Variants in MYT1 observed in about 807,000 individuals in gnomAD.
The protein encoded by MYT1 is myelin transcription factor I.
Under a neutral mutation model 123.0 loss-of-function variants are expected in MYT1, and 23 were observed. The ratio of observed to expected loss-of-function variants is 0.19; its 90% CI spans 0.13 to 0.26. The LOEUF is 0.26. Ranked by LOEUF, MYT1 falls within the 10% of genes least tolerant of loss-of-function variation. The pLI is 1.00. For synonymous variants in MYT1, 518 were observed against 575.3 expected, an observed-to-expected ratio of 0.90 and a Z score of 1.43; for missense variants, 1,125 against 1,472.5, an observed-to-expected ratio of 0.76 and a Z score of 3.86.
At position 64,190,833 on chromosome 20, in the gene MYT1, G is replaced by A. The variant is rs896803507; in HGVS notation, c.-1+673G>A. Among the ~76,000 whole-genome samples, 5 of 152,184 alleles carry A rather than the reference G, an allele frequency of 3.3e-5. No homozygotes were observed. Among genetic ancestry groups the A allele is most frequent in the Admixed American group, 1.3e-4 (2 of 15,292 alleles). On this transcript the variant is annotated intron_variant, in intron 2 of 22. Coordinates refer to ENST00000328439, the MANE Select transcript of MYT1 (RefSeq NM_004535.3). The surrounding 1 kb of genome is among the most constrained non-coding windows in gnomAD (Gnocchi z 4.1). Reference sequence around the variant, plus strand: ...AAAACACAAAAATTAGCCGGGCATGGTGGCATGCGCCTGTAATCCCAGCTA... The same window carrying A: ...AAAACACAAAAATTAGCCGGGCATGATGGCATGCGCCTGTAATCCCAGCTA...
rs866702981 is a variant in MYT1 at position 64,236,171 on chromosome 20, T to C, written c.2898-384T>C. ...GCGGTGGGTGACCCTGGGCTGGCCG[T>C]GGTGGGTGACCCTGGGATGGCCGTG... On this transcript the variant is annotated intron_variant, in intron 19 of 22. Transcript: ENST00000328439. 5.5e-4 allele frequency among the ~76,000 whole-genome samples: 53 copies of C among 96,314 alleles called. 6 individuals are homozygous for C. The highest frequency in any genetic ancestry group is 6.3e-3 in the Middle Eastern group (1 of 158). 63.2% of individuals were successfully genotyped at this position (96,314 alleles called of 152,430 possible). A position where few individuals can be genotyped will look rare whatever the true frequency, so the allele number is the denominator to read the frequency against.
At position 64,198,847 on chromosome 20, in the gene MYT1, G is replaced by T. The variant is rs1304468235; in HGVS notation, c.1-15G>T. On this transcript the variant is annotated splice_polypyrimidine_tract_variant and intron_variant, in intron 2 of 22. Coordinates refer to ENST00000328439, the MANE Select transcript of MYT1 (RefSeq NM_004535.3). ...GCTGGGTTTTCTTGTTAACGTCGTGGTTTTTTGCTTGCAGATGAGCTTAGA... is the reference window on the plus strand; with the variant it reads ...GCTGGGTTTTCTTGTTAACGTCGTGTTTTTTTGCTTGCAGATGAGCTTAGA... 23 of 1,614,118 alleles carry T rather than the reference G, an allele frequency of 1.4e-5. No homozygotes were observed. Among genetic ancestry groups the T allele is most frequent in the Admixed American group, 1.7e-5 (1 of 60,022 alleles).
chr20:64,212,609 C>T lies in MYT1; in HGVS notation c.1517+471C>T, dbSNP rs1983714334. Among the ~76,000 whole-genome samples the T allele has an allele frequency of 6.6e-6, 1 of 152,148 alleles. No homozygotes were observed. On this transcript the variant is annotated intron_variant, in intron 9 of 22. Transcript: ENST00000328439. The surrounding 1 kb of genome is among the most constrained non-coding windows in gnomAD (Gnocchi z 6.8). ...TGAGAGCCAGGTGAATACTTTGTGT[C>T]CTACCCACATTCAGAAAACCTCTGC...
At position 64,185,558 on chromosome 20, in the gene MYT1, A is replaced by G. The variant is rs1387139648; in HGVS notation, c.-98-4505A>G. 6.6e-6 allele frequency among the ~76,000 whole-genome samples: 1 copy of G among 152,198 alleles called. No individual in the cohort carries two copies. The highest frequency in any genetic ancestry group is 1.5e-5 in the Non-Finnish European group (1 of 68,030). The stretch of plus-strand genomic sequence containing the variant: ...CTTGTTTTCAGAGTGGGGAGGTTTT[A>G]CACAGTGGAAGGGGGTCAGGTTGCC... On this transcript the variant is annotated intron_variant, in intron 1 of 22. Coordinates refer to ENST00000328439, the MANE Select transcript of MYT1 (RefSeq NM_004535.3). The surrounding 1 kb of genome is among the most constrained non-coding windows in gnomAD (Gnocchi z 4.5).
At chr20:64,195,401 C>CTT (rs397753483) in intron 2 of MYT1, among the ~76,000 whole-genome samples, 5 of 104,016 alleles carry the variant, frequency 4.8e-5, no homozygotes, top group East Asian at 2.8e-4. Flanking sequence ...TGTGTGTATA[C>CTT]TTTTTTTTTT....
chr20:64,229,547 G>C (rs563462967), intron 18 of MYT1, among the ~76,000 whole-genome samples: 2 of 152,192 alleles, frequency 1.3e-5, no homozygotes, highest in Non-Finnish European at 2.9e-5. Context: ...ATGGCAGAGG[G>C]AACCTGACTA....
Position 64,218,766 on chromosome 20 carries a change from A to G in MYT1, c.1847-145A>G. On this transcript the variant is annotated intron_variant, in intron 11 of 22. Coordinates refer to ENST00000328439, the MANE Select transcript of MYT1 (RefSeq NM_004535.3). This position sits in a 1 kb window ranked among gnomAD's most constrained non-coding sequence, Gnocchi z 4.0. ...CTCCCAAAGTGCCCCCTCCCCACTG[A>G]CTTGTCTGCATTGCTGCCTCTTTTC... 1 of 951,906 alleles carries G rather than the reference A, an allele frequency of 1.1e-6. No individual in the cohort carries two copies. Among genetic ancestry groups the G allele is most frequent in the Non-Finnish European group, 1.6e-6 (1 of 619,032 alleles). The allele number at this position is 951,906 out of a possible 1,614,324, so 59.0% of individuals were successfully genotyped here.
intron 1 of MYT1, among the ~76,000 whole-genome samples, chr20:64,177,683 C>CAGGGGTGG (rs1352886839): frequency 2.0e-5 from 3 of 151,850 alleles, no homozygotes; most frequent in African/African-American, 7.3e-5. Context: ...TACCCCTCTC[C>CAGGGGTGG]GGAGCTAGTG....
intron 1 of MYT1, among the ~76,000 whole-genome samples, chr20:64,180,882 A>G (rs2145696489): frequency 6.6e-6 from 1 of 152,290 alleles, no homozygotes; most frequent in African/African-American, 2.4e-5. Flanking sequence ...CCCCTGCCAC[A>G]TGCACCTCCC....
At chr20:64,205,836 G>T in intron 6 of MYT1, 36 bp downstream of exon 6, 1 of 1,605,588 alleles carries the variant, frequency 6.2e-7, no homozygotes, top group Non-Finnish European at 8.5e-7. Flanking sequence ...AATAAAGGGC[G>T]CTTAGTGTGG....
chr20:64,205,595 C>T lies in MYT1; in HGVS notation c.192C>T (p.Gly64=), dbSNP rs148041017. 2.3e-4 allele frequency: 378 copies of T among 1,614,104 alleles called. 1 individual carries two copies. The African/African-American group carries it at 4.2e-3, about 18-fold the overall frequency. Residue 64 remains glycine (G), a synonymous_variant, in exon 6 of 23, where the codon GGC becomes GGT. Coordinates refer to ENST00000328439, the MANE Select transcript of MYT1 (RefSeq NM_004535.3). ...CPLAKKRKLE[G]AEAEHLVSKR... ...TGGCCAAGAAGAGGAAGCTGGAGGG[C>T]GCTGAGGCTGAGCACCTGGTGTCCA...
Position 64,188,236 on chromosome 20 carries a change from AAGC to A in MYT1, c.-98-1824_-98-1822del, listed in dbSNP as rs1485615131. ...TTCATGTCCACATGACTTCTCTGAG[AAGC>A]AGGAGAGACTCAGCGCAGAACTCAG... On this transcript the variant is annotated intron_variant, in intron 1 of 22. Transcript: ENST00000328439. Among the ~76,000 whole-genome samples the A allele has an allele frequency of 2.0e-5, 3 of 152,270 alleles. No individual in the cohort carries two copies. The East Asian group carries it at 5.8e-4, about 29-fold the overall frequency.
Position 64,227,905 on chromosome 20 carries a change from G to T in MYT1, c.2609G>T (p.Arg870Leu), listed in dbSNP as rs927831909. 6.2e-7 allele frequency: 1 copy of T among 1,613,296 alleles called. No individual in the cohort carries two copies. The highest frequency in any genetic ancestry group is 8.5e-7 in the Non-Finnish European group (1 of 1,179,746). Residue 870 changes from arginine to leucine, a missense_variant, in exon 18 of 23, where the codon CGT (arginine) becomes CTT (leucine). Arg to Leu is a moderately radical substitution (Grantham distance 102). Coordinates refer to ENST00000328439, the MANE Select transcript of MYT1 (RefSeq NM_004535.3). The part of the protein sequence containing the change: ...ASHRSLSGCP[R>L]AKKSGVKVAP... Reference sequence around the variant, plus strand: ...GAAATCAGCTTGTCCGGCTGCCCTCGTGCAAAGAAAAGTGGAGTCAAGGTG... The same window carrying T: ...GAAATCAGCTTGTCCGGCTGCCCTCTTGCAAAGAAAAGTGGAGTCAAGGTG...
intron 16 of MYT1, among the ~76,000 whole-genome samples, chr20:64,224,768 C>T (rs351880): frequency 0.19 from 29,474 of 151,982 alleles, 2,998 homozygotes; most frequent in Middle Eastern, 0.33. Flanking sequence ...CTTTCTTTTC[C>T]GTGATTAGTC....
rs1334336810 is a variant in MYT1 at position 64,193,038 on chromosome 20, G to A, written c.-1+2878G>A. On this transcript the variant is annotated intron_variant, in intron 2 of 22. Transcript: ENST00000328439. The surrounding 1 kb of genome is among the most constrained non-coding windows in gnomAD (Gnocchi z 4.0). ...CAAGAGAACCCCTTCTCAGACATGTGTTAAATAATGCCCCATGGAGGTGTC... is the reference window on the plus strand; with the variant it reads ...CAAGAGAACCCCTTCTCAGACATGTATTAAATAATGCCCCATGGAGGTGTC... 6.6e-6 allele frequency among the ~76,000 whole-genome samples: 1 copy of A among 152,232 alleles called. No individual in the cohort carries two copies. Among genetic ancestry groups the A allele is most frequent in the African/African-American group, 2.4e-5 (1 of 41,460 alleles).
In MYT1 at chr20:64,232,156, G is replaced by C. The variant is rs940119864; in HGVS notation, c.2676-8G>C. 3.7e-6 allele frequency: 6 copies of C among 1,612,620 alleles called. No individual in the cohort carries two copies. Among genetic ancestry groups the C allele is most frequent in the Non-Finnish European group, 4.2e-6 (5 of 1,179,872 alleles). On this transcript the variant is annotated splice_polypyrimidine_tract_variant and splice_region_variant and intron_variant, in intron 18 of 22. Coordinates refer to ENST00000328439, the MANE Select transcript of MYT1 (RefSeq NM_004535.3). The surrounding 1 kb of genome is among the most constrained non-coding windows in gnomAD (Gnocchi z 6.9). ...CCCCTGTACTCACCCCGGCCTCTCT[G>C]TACCCAGGTGCCCAGTTCCAGGCTG...
intron 2 of MYT1, among the ~76,000 whole-genome samples, chr20:64,194,233 G>T (rs1382733655): frequency 6.6e-6 from 1 of 152,208 alleles, no homozygotes; most frequent in East Asian, 1.9e-4. Context: ...CAGGCACAAG[G>T]TGGAGACTGA....
rs6122272 is a variant in MYT1 at position 64,204,441 on chromosome 20, G to A, written c.87-594G>A. ...TGGTTCCTGGTTCACGGGCCCTCCC[G>A]GCTTCTTTTCCCTGCGTGGAAGCTG... is the stretch of plus-strand genomic sequence containing the variant. On this transcript the variant is annotated intron_variant, in intron 4 of 22. Coordinates refer to ENST00000328439, the MANE Select transcript of MYT1 (RefSeq NM_004535.3). Among the ~76,000 whole-genome samples, 1,414 of 152,280 alleles carry A rather than the reference G, an allele frequency of 9.3e-3. 33 individuals carry two copies. The highest frequency in any genetic ancestry group is 0.09 in the South Asian group (434 of 4,824).
At chr20:64,199,784 C>T (rs1036105678) in intron 3 of MYT1, 108 bp from the exon 4 acceptor site, 309 of 1,318,596 alleles carry the variant, frequency 2.3e-4, no homozygotes, top group Admixed American at 8.4e-5. Flanking sequence ...TGCCTCCACT[C>T]GTCCTTGGCA....
Sources: allele counts gnomAD v4.1 joint callset (sites outside exome capture counted in the v4.1 genomes callset), GRCh38; gene constraint gnomAD v4.1.1; non-coding constraint Gnocchi (gnomAD v3.1); transcripts MANE v1.5; gene names NCBI Gene and HGNC (gene_info 2026-07-23, HGNC 2026-07-21).